ZIM2: variants seen among roughly 807,000 people sequenced by gnomAD.
The protein encoded by ZIM2 is zinc finger protein 656.
In ZIM2, 14 loss-of-function variants were observed where a neutral mutation model predicts 38.6. That is an observed-to-expected ratio of 0.36 (90% CI 0.24 to 0.57). The LOEUF (loss-of-function observed/expected upper bound fraction) is 0.57, where lower values mean the gene tolerates loss of function less well. Among genes scored for constraint, ZIM2 ranks in the 20% least tolerant of loss-of-function variants. ZIM2 has a pLI of 0.81. For synonymous variants in ZIM2, 247 were observed against 245.8 expected (o/e 1.00, Z -0.04); for missense variants, 680 against 695.1 (o/e 0.98, Z 0.24).
At chr19:56,796,206 C>CA (rs1351998745) in intron 9 of ZIM2, among the ~76,000 whole-genome samples, 1 of 152,164 alleles carries the variant, frequency 6.6e-6, no homozygotes, top group East Asian at 1.9e-4. Flanking sequence ...GCTGAAGCCT[C>CA]ATGTAAAATG....
Position 56,789,873 on chromosome 19 carries a change from T to A in ZIM2, c.569A>T (p.Gln190Leu). 6.4e-7 allele frequency: 1 copy of A among 1,572,964 alleles called. No homozygotes were observed. Among genetic ancestry groups the A allele is most frequent in the Non-Finnish European group, 8.7e-7 (1 of 1,151,776 alleles). The change falls in exon 10 of 13, where the codon CAG becomes CTG. Residue 190 changes from glutamine (Q) to leucine (L), a missense_variant and splice_region_variant. By Grantham distance (113) the Gln-to-Leu change is moderately radical (BLOSUM62 -2). Coordinates refer to ENST00000629319, the MANE Select transcript of ZIM2 (RefSeq NM_001387356.1). ...MLDNLPSAGS[Q>L]FPDFKHLGTF... ...ATGTCAGAGGAAAGCCTGACTCACC[T>A]GGGACCCAGCAGATGGCAGATTGTC...
At chr19:56,785,357 C>T (rs1297446783) in intron 10 of ZIM2, among the ~76,000 whole-genome samples, 1 of 152,146 alleles carries the variant, frequency 6.6e-6, no homozygotes, top group African/African-American at 2.4e-5. Flanking sequence ...AACAGTGTTT[C>T]TCAACCTTTT....
intron 12 of ZIM2, among the ~76,000 whole-genome samples, chr19:56,776,291 G>A (rs2046005066): frequency 6.6e-6 from 1 of 152,002 alleles, no homozygotes; most frequent in African/African-American, 2.4e-5. Flanking sequence ...TTGGCAGATC[G>A]CTAATATTCT....
chr19:56,779,828 T>A lies in ZIM2; in HGVS notation c.740-356A>T, dbSNP rs115008119. On this transcript the variant is annotated intron_variant, in intron 11 of 12. Coordinates refer to ENST00000629319, the MANE Select transcript of ZIM2 (RefSeq NM_001387356.1). ...CTAAAAAGGGGGCATGAGGGCAGTGTGCTGAGCTCTACACTTCAGCACCAA... is the reference window on the plus strand; with the variant it reads ...CTAAAAAGGGGGCATGAGGGCAGTGAGCTGAGCTCTACACTTCAGCACCAA... Among the ~76,000 whole-genome samples, 595 of 140,740 alleles carry A rather than the reference T, an allele frequency of 4.2e-3. 6 individuals carry two copies. Among genetic ancestry groups the A allele is most frequent in the African/African-American group, 0.015 (560 of 37,996 alleles). The allele number at this position is 140,740 out of a possible 152,430, so 92.3% of individuals were successfully genotyped here.
At chr19:56,826,811 A>G (rs1288207596) in intron 2 of ZIM2, among the ~76,000 whole-genome samples, 6 of 152,232 alleles carry the variant, frequency 3.9e-5, no homozygotes, top group Admixed American at 6.5e-5. Flanking sequence ...ATAAGACAAG[A>G]AAAACACATC....
At chr19:56,836,254 T>G (rs1471702241) in intron 1 of ZIM2, 150 bp from the exon 2 acceptor site, 8 of 357,472 alleles carry the variant, frequency 2.2e-5, no homozygotes, top group South Asian at 1.7e-4. Flanking sequence ...CCAGGATGAA[T>G]GGCCACGGGT....
chr19:56,777,253 T>C (rs1017429689), intron 12 of ZIM2, among the ~76,000 whole-genome samples: 2 of 152,190 alleles, frequency 1.3e-5, no homozygotes, highest in Non-Finnish European at 2.9e-5. Context: ...TCACAATGGA[T>C]TGACTCTTTT....
intron 9 of ZIM2, among the ~76,000 whole-genome samples, chr19:56,805,244 CAT>C (rs1377447311): frequency 2.0e-5 from 3 of 152,190 alleles, no homozygotes; most frequent in African/African-American, 7.2e-5. Context: ...GACATTGCCA[CAT>C]GTCCCCTGGA....
intron 1 of ZIM2, among the ~76,000 whole-genome samples, chr19:56,839,440 G>A (rs1159349313): frequency 2.0e-5 from 3 of 146,840 alleles, no homozygotes; most frequent in African/African-American, 5.1e-5. Context: ...TGAACAGATC[G>A]TCACATCTAA....
At chr19:56,795,342 C>T (rs1211303856) in intron 9 of ZIM2, among the ~76,000 whole-genome samples, 1 of 152,218 alleles carries the variant, frequency 6.6e-6, no homozygotes, top group Non-Finnish European at 1.5e-5. Flanking sequence ...CACGAAGCCG[C>T]GCGCTGCCCC....
rs141346770 is a variant in ZIM2 at position 56,824,337 on chromosome 19, G to A, written c.-60C>T. The A allele has an allele frequency of 1.1e-4, 183 of 1,613,976 alleles. 1 individual carries two copies. In the East Asian group the frequency reaches 3.9e-3, roughly 34 times the overall value. On this transcript the variant is annotated 5_prime_UTR_variant, in exon 4 of 13. Coordinates refer to ENST00000629319, the MANE Select transcript of ZIM2 (RefSeq NM_001387356.1). ...TCACAGTTCTCCGGCTTTTTTGCTC[G>A]CACCCAAGGCTTGAGCTTTTCAGGG...
At chr19:56,815,828 G>C in intron 9 of ZIM2, 1 of 1,613,088 alleles carries the variant, frequency 6.2e-7, no homozygotes, top group Non-Finnish European at 8.5e-7. Flanking sequence ...ATCTTCTGTC[G>C]CTTATCATTA....
intron 9 of ZIM2, among the ~76,000 whole-genome samples, chr19:56,808,049 A>G (rs1324044432): frequency 6.6e-6 from 1 of 152,154 alleles, no homozygotes; most frequent in African/African-American, 2.4e-5. Context: ...GGCTTTGAAC[A>G]CCTTCAATCC....
chr19:56,784,733 C>T (rs2046506716), intron 10 of ZIM2, among the ~76,000 whole-genome samples: 1 of 152,118 alleles, frequency 6.6e-6, no homozygotes, highest in South Asian at 2.1e-4. Context: ...CTTTGATTCT[C>T]ATTGTCTCAT....
intron 2 of ZIM2, among the ~76,000 whole-genome samples, chr19:56,832,941 G>A (rs959313539): frequency 6.6e-6 from 1 of 152,126 alleles, no homozygotes; most frequent in Non-Finnish European, 1.5e-5. Flanking sequence ...AAAATGAGTA[G>A]GAAATAAAAG....
Position 56,810,034 on chromosome 19 carries a change from C to A in ZIM2, c.490+7712G>T, listed in dbSNP as rs779629738. The A allele has an allele frequency of 1.2e-3, 545 of 458,876 alleles. 1 individual carries two copies. The highest frequency in any genetic ancestry group is 1.5e-3 in the Non-Finnish European group (518 of 349,282). 28.4% of individuals were successfully genotyped at this position (458,876 alleles called of 1,614,324 possible). On this transcript the variant is annotated intron_variant, in intron 9 of 12. Transcript: ENST00000629319. Reference sequence around the variant, plus strand: ...TGGATTTATAACTCTAACAAAATAACATATTTAAAGCCCCAAAAACAAAAC... The same window carrying A: ...TGGATTTATAACTCTAACAAAATAAAATATTTAAAGCCCCAAAAACAAAAC...
Position 56,824,158 on chromosome 19 carries a change from CAG to C in ZIM2, c.16+102_16+103del, listed in dbSNP as rs375128554. On this transcript the variant is annotated intron_variant, in intron 4 of 12. Transcript: ENST00000629319. ...AGGACATCCCCACCGCTGCCCAGGA[CAG>C]AGAGTTATCCAGTCCAGACCATGTC... The C allele has an allele frequency of 9.3e-4, 1,412 of 1,516,164 alleles. 22 individuals carry two copies. The South Asian group carries it at 0.011, about 11-fold the overall frequency. 93.9% of individuals were successfully genotyped at this position (1,516,164 alleles called of 1,614,324 possible). A position where few individuals can be genotyped will look rare whatever the true frequency, so the allele number is the denominator to read the frequency against.
chr19:56,818,186 C>G lies in ZIM2; in HGVS notation c.398-348G>C, dbSNP rs372268207. 3.3e-5 allele frequency among the ~76,000 whole-genome samples: 5 copies of G among 152,336 alleles called. No individual in the cohort carries two copies. The East Asian group carries it at 9.7e-4, about 29-fold the overall frequency. ...CTCGCGACTGCTCTTCCTCCACCCACTCCCTTGAGGCCCCATGGCCTTACA... is the reference window on the plus strand; with the variant it reads ...CTCGCGACTGCTCTTCCTCCACCCAGTCCCTTGAGGCCCCATGGCCTTACA... On this transcript the variant is annotated intron_variant, in intron 8 of 12. Transcript: ENST00000629319.
intron 11 of ZIM2, among the ~76,000 whole-genome samples, chr19:56,779,920 G>C (rs2046239278): frequency 6.6e-6 from 1 of 152,180 alleles, no homozygotes; most frequent in Non-Finnish European, 1.5e-5. Context: ...AACGTCCACT[G>C]CCCCTTTGTC....
Sources: allele counts gnomAD v4.1 joint callset (sites outside exome capture counted in the v4.1 genomes callset), GRCh38; gene constraint gnomAD v4.1.1; transcripts MANE v1.5; gene names NCBI Gene and HGNC (gene_info 2026-07-23, HGNC 2026-07-21).